Variants in GLRA2 observed in about 807,000 individuals in gnomAD.
The protein encoded by GLRA2 is glycine receptor alpha 2, also known as glycine receptor subunit alpha-2.
A neutral mutation model predicts 31.6 loss-of-function variants in GLRA2; 11 were observed. The observed-to-expected ratio is 0.35, with a 90% confidence interval of 0.22 to 0.58. GLRA2 has a LOEUF of 0.58. Ranked by LOEUF, GLRA2 falls within the 20% of genes least tolerant of loss-of-function variation. The pLI is 0.84. For missense variants in GLRA2, 212 were observed against 351.8 expected (o/e 0.60, Z 3.18); for synonymous variants, 132 against 134.0 (o/e 0.99, Z 0.10).
chrX:14,575,612 C>T (rs1157893509), intron 3 of GLRA2, among the ~76,000 whole-genome samples: 4 of 87,083 alleles, frequency 4.6e-5, no homozygotes, highest in Admixed American at 2.3e-4. Flanking sequence ...CAGGTGCACA[C>T]CACCACATCT....
chrX:14,461,330 T>C, the GLRA2 span, among the ~76,000 whole-genome samples: 3 of 111,861 alleles, frequency 2.7e-5, no homozygotes, highest in South Asian at 1.1e-3. Flanking sequence ...ATCCTGCTGA[T>C]TTGAGGTGGA....
chrX:14,669,951 C>T (rs2091073885), intron 7 of GLRA2, among the ~76,000 whole-genome samples: 1 of 112,526 alleles, frequency 8.9e-6, no homozygotes, highest in African/African-American at 3.2e-5. Context: ...TGTCAGGCTG[C>T]AAATTTTCCA....
intron 2 of GLRA2, among the ~76,000 whole-genome samples, chrX:14,543,683 A>C (rs1255037092): frequency 1.8e-5 from 2 of 112,005 alleles, no homozygotes; most frequent in Non-Finnish European, 3.8e-5. Flanking sequence ...ACTGTAGTCC[A>C]TGAAATGTTC....
At chrX:14,589,762 GTA>G (rs1175126702) in intron 4 of GLRA2, among the ~76,000 whole-genome samples, 2 of 105,808 alleles carry the variant, frequency 1.9e-5, no homozygotes, top group Non-Finnish European at 3.9e-5. Context: ...GTGTATATAT[GTA>G]TATATATGTA....
chrX:14,638,298 A>G (rs1162838567), intron 7 of GLRA2, among the ~76,000 whole-genome samples: 1 of 111,073 alleles, frequency 9.0e-6, no homozygotes, highest in Non-Finnish European at 1.9e-5. Flanking sequence ...ACCTATAATT[A>G]TAACTTTTGC....
the GLRA2 span, among the ~76,000 whole-genome samples, chrX:14,483,397 A>T: frequency 1.8e-5 from 2 of 112,068 alleles, no homozygotes; most frequent in Non-Finnish European, 3.8e-5. Flanking sequence ...CTATACCTCA[A>T]TTTCCTTATT....
chrX:14,730,181 T>C, intron 8 of GLRA2, 26 bp from the exon 9 acceptor site: 2 of 1,155,274 alleles, frequency 1.7e-6, no homozygotes, highest in Non-Finnish European at 2.4e-6. Flanking sequence ...AACCAATCTG[T>C]GCTTCCTCTG....
At chrX:14,620,078 T>C (rs1417978495) in intron 7 of GLRA2, among the ~76,000 whole-genome samples, 1 of 108,451 alleles carries the variant, frequency 9.2e-6, no homozygotes, top group Non-Finnish European at 1.9e-5. Context: ...TATAATAACA[T>C]TTTATAAGTT....
chrX:14,728,420 A>G (rs1231368063), intron 8 of GLRA2, among the ~76,000 whole-genome samples: 3 of 111,721 alleles, frequency 2.7e-5, no homozygotes, highest in Non-Finnish European at 5.6e-5. Flanking sequence ...GGTTATAATT[A>G]ATTTTTTATT....
chrX:14,513,738 T>C, the GLRA2 span, among the ~76,000 whole-genome samples: 2 of 111,708 alleles, frequency 1.8e-5, no homozygotes, highest in African/African-American at 6.5e-5. Flanking sequence ...CCTGCAAGAA[T>C]GGCCATAATC....
chrX:14,501,078 A>AAC, the GLRA2 span, among the ~76,000 whole-genome samples: 1 of 110,393 alleles, frequency 9.1e-6, no homozygotes, highest in Non-Finnish European at 1.9e-5. Flanking sequence ...GTAGTAAAAA[A>AAC]AAAAAAAAAA....
At chrX:14,530,841 C>A in intron 1 of GLRA2, 2 of 339,456 alleles carry the variant, frequency 5.9e-6, no homozygotes, top group Non-Finnish European at 8.1e-6. Flanking sequence ...AATATCAAAT[C>A]ATTACCAGTA....
At chrX:14,480,854 G>T in the GLRA2 span, among the ~76,000 whole-genome samples, 1 of 111,188 alleles carries the variant, frequency 9.0e-6, no homozygotes, top group Non-Finnish European at 1.9e-5. Flanking sequence ...TTTTTGTTTG[G>T]TTGGTTGGTT....
the GLRA2 span, among the ~76,000 whole-genome samples, chrX:14,522,840 C>T: frequency 8.9e-6 from 1 of 111,828 alleles, no homozygotes; most frequent in Admixed American, 9.5e-5. Flanking sequence ...TGTCATCCAG[C>T]CTTTGTTGTT....
At chrX:14,450,594 G>A in the GLRA2 span, among the ~76,000 whole-genome samples, 2 of 111,835 alleles carry the variant, frequency 1.8e-5, no homozygotes, top group African/African-American at 6.5e-5. Flanking sequence ...ACTCTTAAGC[G>A]CCACTATTGA....
intron 3 of GLRA2, among the ~76,000 whole-genome samples, chrX:14,580,506 G>C (rs1179152843): frequency 8.9e-6 from 1 of 111,986 alleles, no homozygotes; most frequent in African/African-American, 3.2e-5. Context: ...GGGAATGCCA[G>C]GGGTGTACCT....
chrX:14,658,148 C>G (rs773046221), intron 7 of GLRA2, among the ~76,000 whole-genome samples: 1 of 111,107 alleles, frequency 9.0e-6, no homozygotes, highest in African/African-American at 3.3e-5. Context: ...TTACAAAATT[C>G]GGCTCAAGAA....
intron 7 of GLRA2, among the ~76,000 whole-genome samples, chrX:14,612,823 G>A (rs536096908): frequency 2.9e-4 from 30 of 101,887 alleles, no homozygotes; most frequent in African/African-American, 7.9e-4. Context: ...GGGGCCTGTC[G>A]GAGGGTGGGG....
chrX:14,458,100 C>A, the GLRA2 span, among the ~76,000 whole-genome samples: 1 of 110,315 alleles, frequency 9.1e-6, no homozygotes. Flanking sequence ...CAATCCCCAC[C>A]TATGAGTGAG....
Sources: allele counts gnomAD v4.1 joint callset (sites outside exome capture counted in the v4.1 genomes callset), GRCh38; gene constraint gnomAD v4.1.1; transcripts MANE v1.5; gene names NCBI Gene and HGNC (gene_info 2026-07-23, HGNC 2026-07-21).